Variants in PPP2R1B observed in about 807,000 individuals in gnomAD.
PPP2R1B encodes serine/threonine-protein phosphatase 2A 65 kDa regulatory subunit A beta isoform.
PPP2R1B carries 58 observed loss-of-function variants against 72.7 expected under a neutral mutation model. The observed-to-expected ratio is 0.80, with a 90% CI of 0.65 to 0.99. The LOEUF (loss-of-function observed/expected upper bound fraction) is 0.99, where lower values mean the gene tolerates loss of function less well. Among genes scored for constraint, PPP2R1B ranks in the 50% least tolerant of loss-of-function variants. The pLI is 0.00. For synonymous variants in PPP2R1B, 256 were observed against 264.6 expected (o/e 0.97, Z 0.32); for missense variants, 695 against 733.6 (o/e 0.95, Z 0.61).
the PPP2R1B span, among the ~76,000 whole-genome samples, chr11:111,693,980 C>T: frequency 6.6e-6 from 1 of 152,154 alleles, no homozygotes; most frequent in African/African-American, 2.4e-5. Flanking sequence ...GTTTCCTTAT[C>T]TGTAAAGGGA....
chr11:111,693,959 CT>C, the PPP2R1B span, among the ~76,000 whole-genome samples: 2 of 152,196 alleles, frequency 1.3e-5, no homozygotes, highest in Non-Finnish European at 2.9e-5. Flanking sequence ...TTCCTGACTT[CT>C]CTCTTCTCAG....
intron 9 of PPP2R1B, among the ~76,000 whole-genome samples, 163 bp downstream of exon 9, chr11:111,753,280 C>T (rs1042284733): frequency 2.0e-5 from 3 of 152,164 alleles, no homozygotes; most frequent in African/African-American, 4.8e-5. Context: ...TTCTGAGGAA[C>T]CTATAACCCC....
chr11:111,717,723 A>G, the PPP2R1B span, among the ~76,000 whole-genome samples: 2 of 152,250 alleles, frequency 1.3e-5, no homozygotes, highest in African/African-American at 2.4e-5. Flanking sequence ...CTGGATAAAG[A>G]AAATGTGGTA....
chr11:111,755,842 G>A (rs924839943), intron 5 of PPP2R1B, among the ~76,000 whole-genome samples: 2 of 151,952 alleles, frequency 1.3e-5, no homozygotes, highest in East Asian at 1.9e-4. Context: ...CACCTGCCTC[G>A]GCCTCCCAAA....
At chr11:111,730,535 G>A (rs1005963128) in intron 15 of PPP2R1B, 3 of 152,142 alleles carry the variant, frequency 2.0e-5, no homozygotes, top group Non-Finnish European at 4.4e-5. Context: ...CTGGATGTTT[G>A]GTCTGAAAGA....
chr11:111,737,444 T>C, downstream of PPP2R1B: 2 of 1,614,210 alleles, frequency 1.2e-6, no homozygotes, highest in Non-Finnish European at 8.5e-7. Flanking sequence ...TTCCGGGCAC[T>C]TACCTTCCCC....
At chr11:111,709,636 A>G in the PPP2R1B span, among the ~76,000 whole-genome samples, 1 of 152,292 alleles carries the variant, frequency 6.6e-6, no homozygotes, top group South Asian at 2.1e-4. Context: ...TATTTATTTA[A>G]TATTTGCTAA....
intron 12 of PPP2R1B, among the ~76,000 whole-genome samples, chr11:111,742,973 C>T (rs1258929284): frequency 6.6e-6 from 1 of 151,872 alleles, no homozygotes; most frequent in African/African-American, 2.4e-5. Flanking sequence ...TCTGCACCCT[C>T]TGCCCCCTGC....
rs1438722290 is a variant in PPP2R1B, at chr11:111,743,408, A to G, written c.1522T>C (p.Leu508=). 8.1e-6 allele frequency: 13 copies of G among 1,612,996 alleles called. No individual in the cohort carries two copies. The highest frequency in any genetic ancestry group is 1.1e-5 in the Non-Finnish European group (13 of 1,179,046). The change falls in exon 12 of 15, where the codon TTG becomes CTG. Residue 508 remains leucine (L), a synonymous_variant. Transcript: ENST00000527614. ...VLVMANDPNY[L]HRMTTLFCIN... is the part of the protein sequence containing the mutation. ...CAGAATAAAGTGGTCATTCTATGCA[A>G]GTAATTAGGATCATTTGCCATTACT...
intron 10 of PPP2R1B, among the ~76,000 whole-genome samples, chr11:111,749,586 A>G (rs1395752371): frequency 9.2e-5 from 14 of 152,168 alleles, no homozygotes; most frequent in Admixed American, 8.5e-4. Flanking sequence ...CGCCTGGCCT[A>G]TTTTCCGGTT....
At chr11:111,749,298 T>TGTC (rs1944816884) in intron 10 of PPP2R1B, among the ~76,000 whole-genome samples, 1 of 151,720 alleles carries the variant, frequency 6.6e-6, no homozygotes, top group South Asian at 2.1e-4. Context: ...TTGTTGTTGT[T>TGTC]GTCGAGACGG....
downstream of PPP2R1B, chr11:111,725,892 T>C (rs1034543117): frequency 2.0e-5 from 3 of 152,290 alleles, no homozygotes; most frequent in African/African-American, 4.8e-5. Context: ...TTGGACTTGG[T>C]GTCAGTGGGA....
intron 14 of PPP2R1B, 33 bp downstream of exon 14, chr11:111,742,020 A>T: frequency 1.3e-6 from 2 of 1,541,428 alleles, no homozygotes; most frequent in Non-Finnish European, 1.8e-6. Context: ...TAACCAAGGC[A>T]TAAGCTGCAA....
At chr11:111,688,211 A>G in the PPP2R1B span, 3 of 1,598,640 alleles carry the variant, frequency 1.9e-6, no homozygotes, top group South Asian at 2.2e-5. The surrounding 1 kb of genome is among the most constrained non-coding windows in gnomAD (Gnocchi z 4.2). Flanking sequence ...GAGCCACTGC[A>G]CTCAGTGTGT....
intron 15 of PPP2R1B, chr11:111,730,915 GTGGAATTTT>G (rs1944169858): frequency 6.6e-6 from 1 of 152,204 alleles, no homozygotes; most frequent in Non-Finnish European, 1.5e-5. Flanking sequence ...CGGGCCTTGG[GTGGAATTTT>G]TAGAGTATGG....
At chr11:111,712,294 C>G in the PPP2R1B span, 1 of 1,614,174 alleles carries the variant, frequency 6.2e-7, no homozygotes, top group Non-Finnish European at 8.5e-7. Flanking sequence ...AGGCATCCAA[C>G]GTGGAGGCCT....
the PPP2R1B span, among the ~76,000 whole-genome samples, chr11:111,715,113 G>C: frequency 1.3e-5 from 2 of 152,226 alleles, no homozygotes; most frequent in African/African-American, 4.8e-5. Context: ...ACAGGAGCTA[G>C]ATGGTATATT....
chr11:111,738,621 G>A lies in PPP2R1B; in HGVS notation c.*2975C>T, dbSNP rs1321778207. ...AAGACCCCTGGGGCTCTGCATCACA[G>A]TGGCTGAGCTGTGGTATTTCTGTGA... is the stretch of plus-strand genomic sequence containing the variant. On this transcript the variant is annotated 3_prime_UTR_variant, in exon 15 of 15. Transcript: ENST00000527614. 1 of 985,376 alleles carries A rather than the reference G, an allele frequency of 1.0e-6. No homozygotes were observed. The highest frequency in any genetic ancestry group is 1.2e-6 in the Non-Finnish European group (1 of 829,966). 61.0% of individuals were successfully genotyped at this position (985,376 alleles called of 1,614,324 possible).
At chr11:111,717,746 G>A in the PPP2R1B span, among the ~76,000 whole-genome samples, 6 of 152,280 alleles carry the variant, frequency 3.9e-5, no homozygotes, top group African/African-American at 1.4e-4. Flanking sequence ...TATACACCAT[G>A]GAATACCATG....
Sources: gnomAD v4.1 joint callset for allele counts (sites outside exome capture counted in the v4.1 genomes callset) on GRCh38, gnomAD v4.1.1 for gene constraint, Gnocchi (gnomAD v3.1) non-coding constraint, MANE v1.5 for transcripts, NCBI Gene and HGNC (gene_info 2026-07-23, HGNC 2026-07-21) for gene names.